The following TLCD3A variants were observed in gnomAD, a reference collection of about 807,000 sequenced individuals.
TLCD3A encodes TLC domain-containing protein 3A.
In TLCD3A, 17 loss-of-function variants were observed where a neutral mutation model predicts 29.9. The observed-to-expected ratio is 0.57, with a 90% CI of 0.39 to 0.85. The LOEUF (loss-of-function observed/expected upper bound fraction) is 0.85. TLCD3A is among the 40% of genes least tolerant of loss of function. The pLI, the probability that TLCD3A is intolerant of heterozygous loss-of-function variation, is 0.00. For missense variants in TLCD3A, 332 were observed against 350.8 expected, an observed-to-expected ratio of 0.95 and a Z score of 0.43; for synonymous variants, 143 against 147.7, an observed-to-expected ratio of 0.97 and a Z score of 0.23.
chr17:734,651 A>T (rs1974128136), intron 2 of TLCD3A, among the ~76,000 whole-genome samples: 1 of 152,106 alleles, frequency 6.6e-6, no homozygotes. Flanking sequence ...TATATACTGA[A>T]TATTTTTCTA....
chr17:735,461 G>A (rs1597542107), intron 2 of TLCD3A, among the ~76,000 whole-genome samples: 1 of 152,330 alleles, frequency 6.6e-6, no homozygotes, highest in African/African-American at 2.4e-5. Flanking sequence ...TAAATCTTCA[G>A]AGGATTCTAC....
In TLCD3A at chr17:732,824, C is replaced by T. The variant is rs1974090664; in HGVS notation, c.122+55C>T. ...GCCCGGGGCGCTGCCCACCGCACCC[C>T]ACCCGGCCGCGGGGCCCAGGGCGGA... On this transcript the variant is annotated intron_variant, in intron 1 of 4. Transcript: ENST00000308278. 4 of 1,391,888 alleles carry T rather than the reference C, an allele frequency of 2.9e-6. No individual in the cohort carries two copies. In the East Asian group the frequency reaches 9.3e-5, roughly 32 times the overall value. 86.2% of individuals were successfully genotyped at this position (1,391,888 alleles called of 1,614,324 possible).
chr17:732,720 C>G lies in TLCD3A; in HGVS notation c.73C>G (p.Arg25Gly). The G allele has an allele frequency of 6.9e-7, 1 of 1,441,350 alleles. No homozygotes were observed. The highest frequency in any genetic ancestry group is 9.1e-7 in the Non-Finnish European group (1 of 1,098,380). 89.3% of individuals were successfully genotyped at this position (1,441,350 alleles called of 1,614,324 possible). A position where few individuals can be genotyped will look rare whatever the true frequency, so the allele number is the denominator to read the frequency against. Reference protein sequence around the residue: ...LFALCTWALRRSQPGWSRTDC... With the variant: ...LFALCTWALRGSQPGWSRTDC... ...CGCGCTCTGCACCTGGGCGCTGCGC[C>G]GCTCCCAGCCCGGATGGAGCCGCAC... The change falls in exon 1 of 5, where the codon CGC becomes GGC. Residue 25 changes from arginine (R) to glycine (G), a missense_variant. Coordinates refer to ENST00000308278, the MANE Select transcript of TLCD3A (RefSeq NM_024792.3).
At chr17:736,875 C>G (rs1415416762) in intron 2 of TLCD3A, among the ~76,000 whole-genome samples, 1 of 151,848 alleles carries the variant, frequency 6.6e-6, no homozygotes, top group Non-Finnish European at 1.5e-5. Flanking sequence ...AGGCGAGTAT[C>G]GAACTGCTGA....
In TLCD3A at chr17:740,551, C is replaced by A. The variant is rs141305698; in HGVS notation, c.455C>A (p.Thr152Lys). ...LGDFFVGCIF[T>K]AELSTPFVSL... ...GACTTCTTTGTCGGCTGCATCTTCA[C>A]GGCAGAACTGAGCACTCCGTTTGTG... The change falls in exon 4 of 5, where the codon ACG (threonine) becomes AAG (lysine). Residue 152 changes from threonine to lysine, a missense_variant. Physicochemically the swap from Thr to Lys is moderately conservative, Grantham distance 78 (BLOSUM62 -1). Transcript: ENST00000308278. 1 of 1,614,084 alleles carries A rather than the reference C, an allele frequency of 6.2e-7. No homozygotes were observed. The highest frequency in any genetic ancestry group is 1.3e-5 in the African/African-American group (1 of 75,040).
rs555185069 is a variant in TLCD3A, at chr17:741,879, C to G, written c.*309C>G. On this transcript the variant is annotated 3_prime_UTR_variant, in exon 5 of 5. Coordinates refer to ENST00000308278, the MANE Select transcript of TLCD3A (RefSeq NM_024792.3). ...GGGAGGTGGAAGCATGGGGTGGGAT[C>G]GGTGGACCAGGGTGGTAAGTGTCTG... The G allele has an allele frequency of 2.4e-6, 1 of 414,764 alleles. No individual in the cohort carries two copies. The highest frequency in any genetic ancestry group is 4.5e-6 in the Non-Finnish European group (1 of 224,334). The allele number at this position is 414,764 out of a possible 1,614,324, so 25.7% of individuals were successfully genotyped here.
intron 3 of TLCD3A, 146 bp from the exon 4 acceptor site, chr17:740,359 G>A (rs921630337): frequency 2.1e-5 from 14 of 664,730 alleles, no homozygotes; most frequent in African/African-American, 5.5e-5. Context: ...CTGTTGCCAC[G>A]GAAGCAGCGG....
chr17:739,151 G>A (rs1451789098), intron 3 of TLCD3A, among the ~76,000 whole-genome samples: 2 of 150,612 alleles, frequency 1.3e-5, no homozygotes, highest in East Asian at 3.9e-4. Flanking sequence ...ACTCTTGAGT[G>A]CCTGGCCAGG....
At chr17:739,647 AT>A (rs1178514061) in intron 3 of TLCD3A, among the ~76,000 whole-genome samples, 1 of 152,218 alleles carries the variant, frequency 6.6e-6, no homozygotes, top group Non-Finnish European at 1.5e-5. Context: ...CAGGCATGTG[AT>A]TTAAAAGTTC....
intron 3 of TLCD3A, among the ~76,000 whole-genome samples, chr17:739,008 G>C (rs138629507): frequency 6.6e-6 from 1 of 152,170 alleles, no homozygotes; most frequent in Non-Finnish European, 1.5e-5. Flanking sequence ...AGAGAGCACT[G>C]TGTGGATTAT....
chr17:735,657 C>A (rs1974142894), intron 2 of TLCD3A, among the ~76,000 whole-genome samples: 1 of 152,020 alleles, frequency 6.6e-6, no homozygotes, highest in Non-Finnish European at 1.5e-5. Flanking sequence ...AGTATGGCAT[C>A]TTTTTGGCCA....
chr17:740,461 T>C (rs756363578), intron 3 of TLCD3A, 44 bp from the exon 4 acceptor site: 15 of 1,456,834 alleles, frequency 1.0e-5, no homozygotes, highest in Non-Finnish European at 1.4e-5. Flanking sequence ...TCTGGTGGTT[T>C]CTTAACCTCC....
Position 738,053 on chromosome 17 carries a change from G to A in TLCD3A, c.408+6G>A, listed in dbSNP as rs779793335. 6.3e-7 allele frequency: 1 copy of A among 1,598,314 alleles called. No homozygotes were observed. The highest frequency in any genetic ancestry group is 1.1e-5 in the South Asian group (1 of 90,740). The stretch of plus-strand genomic sequence containing the variant: ...TCCTTGTGCCAGTCGCACAGGTATG[G>A]CCTTCCAGGACAGCAGACCAGCAGC... On this transcript the variant is annotated splice_donor_region_variant and intron_variant, in intron 3 of 4. Transcript: ENST00000308278.
Position 737,907 on chromosome 17 carries a change from G to A in TLCD3A, c.268G>A (p.Ala90Thr), listed in dbSNP as rs770998892. 15 of 1,613,782 alleles carry A rather than the reference G, an allele frequency of 9.3e-6. No individual in the cohort carries two copies. In the African/African-American group the frequency reaches 1.1e-4, roughly 12 times the overall value. Residue 90 changes from alanine (A) to threonine (T), a missense_variant, in exon 3 of 5, where the codon GCC becomes ACC. Coordinates refer to ENST00000308278, the MANE Select transcript of TLCD3A (RefSeq NM_024792.3). The part of the protein sequence containing the change: ...LIPYMIYDSY[A>T]MYLCEWCRTR... ...TCCATACATGATCTATGACTCGTACGCCATGTACCTCTGTGAATGGTGCCG... is the reference window on the plus strand; with the variant it reads ...TCCATACATGATCTATGACTCGTACACCATGTACCTCTGTGAATGGTGCCG...
intron 1 of TLCD3A, 131 bp from the exon 2 acceptor site, chr17:732,967 C>G (rs1279125565): frequency 1.4e-6 from 2 of 1,395,140 alleles, no homozygotes; most frequent in Admixed American, 4.4e-5. Flanking sequence ...CGGGAATGGC[C>G]GATGAGCCTC....
Position 742,612 on chromosome 17 carries a change from G to A in TLCD3A, c.*1042G>A, listed in dbSNP as rs967114298. On this transcript the variant is annotated 3_prime_UTR_variant, in exon 5 of 5. Coordinates refer to ENST00000308278, the MANE Select transcript of TLCD3A (RefSeq NM_024792.3). Reference sequence around the variant, plus strand: ...TGCCATTTAGCCACAGAAGGCTGCGGAGTGAGGCGGCAGCTAGCCTGGCCA... The same window carrying A: ...TGCCATTTAGCCACAGAAGGCTGCGAAGTGAGGCGGCAGCTAGCCTGGCCA... 4.6e-5 allele frequency: 7 copies of A among 152,378 alleles called. No homozygotes were observed. Among genetic ancestry groups the A allele is most frequent in the African/African-American group, 1.7e-4 (7 of 41,460 alleles). The allele number at this position is 152,378 out of a possible 1,614,324, so 9.4% of individuals were successfully genotyped here. A position where few individuals can be genotyped will look rare whatever the true frequency, so the allele number is the denominator to read the frequency against.
At chr17:735,389 T>G (rs910211055) in intron 2 of TLCD3A, among the ~76,000 whole-genome samples, 2 of 152,216 alleles carry the variant, frequency 1.3e-5, no homozygotes, top group Non-Finnish European at 2.9e-5. Flanking sequence ...ATCTTCATTT[T>G]ACAAAGAAAG....
chr17:733,117 G>A lies in TLCD3A; in HGVS notation c.142G>A (p.Ala48Thr). 1 of 1,592,584 alleles carries A rather than the reference G, an allele frequency of 6.3e-7. No individual in the cohort carries two copies. The highest frequency in any genetic ancestry group is 8.5e-7 in the Non-Finnish European group (1 of 1,170,522). The change falls in exon 2 of 5, where the codon GCC (alanine) becomes ACC (threonine). Residue 48 changes from alanine (A) to threonine (T), a missense_variant. Coordinates refer to ENST00000308278, the MANE Select transcript of TLCD3A (RefSeq NM_024792.3). The part of the protein sequence containing the change: ...ISTRLVSSVH[A>T]VLATGSGIVI... ...CGCTAGGCTGGTTTCCTCGGTGCAC[G>A]CCGTGCTGGCCACCGGCTCGGGGAT...
At chr17:736,145 T>C (rs1454089589) in intron 2 of TLCD3A, among the ~76,000 whole-genome samples, 1 of 152,218 alleles carries the variant, frequency 6.6e-6, no homozygotes, top group Non-Finnish European at 1.5e-5. Context: ...CTCCGTAGAC[T>C]GTATTTCCAG....
Sources: gnomAD v4.1 joint callset for allele counts (sites outside exome capture counted in the v4.1 genomes callset) on GRCh38, gnomAD v4.1.1 for gene constraint, MANE v1.5 for transcripts, NCBI Gene and HGNC (gene_info 2026-07-23, HGNC 2026-07-21) for gene names.